FSTL4: variants seen among roughly 807,000 people sequenced by gnomAD.
The protein encoded by FSTL4 is follistatin like 4.
Under a neutral mutation model 78.2 loss-of-function variants are expected in FSTL4, and 28 were observed. The ratio of observed to expected loss-of-function variants is 0.36; its 90% CI spans 0.27 to 0.49. FSTL4 has a LOEUF of 0.49. FSTL4 is among the 20% of genes least tolerant of loss of function. The pLI is 0.98. For missense variants in FSTL4, 922 were observed against 1,084.9 expected (o/e 0.85, Z 2.11); for synonymous variants, 422 against 440.5 (o/e 0.96, Z 0.53).
chr5:133,605,670 G>A (rs1192985401), intron 1 of FSTL4, among the ~76,000 whole-genome samples: 28 of 152,184 alleles, frequency 1.8e-4, no homozygotes, highest in Admixed American at 1.8e-3. Context: ...TGGGCCTATG[G>A]CACTGGCCTA....
At chr5:133,469,621 G>C (rs769420292) in intron 3 of FSTL4, among the ~76,000 whole-genome samples, 9 of 152,094 alleles carry the variant, frequency 5.9e-5, no homozygotes, top group Admixed American at 5.2e-4. Context: ...AAAAGGAGAG[G>C]GTTCAAAATG....
chr5:133,543,013 T>C (rs1759508703), intron 3 of FSTL4, among the ~76,000 whole-genome samples: 1 of 152,114 alleles, frequency 6.6e-6, no homozygotes, highest in African/African-American at 2.4e-5. Context: ...CTGCTACTCT[T>C]TTCCTAACAT....
At chr5:133,825,099 G>A in the FSTL4 span, among the ~76,000 whole-genome samples, 1 of 152,302 alleles carries the variant, frequency 6.6e-6, no homozygotes, top group Admixed American at 6.5e-5. Context: ...CAGAGACACT[G>A]AGGTCACTCA....
the FSTL4 span, among the ~76,000 whole-genome samples, chr5:133,702,318 A>G: frequency 6.6e-6 from 1 of 152,190 alleles, no homozygotes; most frequent in Non-Finnish European, 1.5e-5. Context: ...CAGCATCTTA[A>G]GCTTAAGCTC....
chr5:133,337,025 C>A (rs1051960653), intron 4 of FSTL4, among the ~76,000 whole-genome samples: 1 of 152,328 alleles, frequency 6.6e-6, no homozygotes, highest in East Asian at 1.9e-4. Context: ...GCAACACACC[C>A]CTGTCTCGGG....
At chr5:133,453,403 C>A (rs1757420149) in intron 3 of FSTL4, among the ~76,000 whole-genome samples, 1 of 152,190 alleles carries the variant, frequency 6.6e-6, no homozygotes. Context: ...ATGCTCCCAC[C>A]CCCAGGCAAT....
chr5:133,400,956 G>A lies in FSTL4; in HGVS notation c.191C>T (p.Ser64Phe). 1 of 1,613,260 alleles carries A rather than the reference G, an allele frequency of 6.2e-7. No individual in the cohort carries two copies. The highest frequency in any genetic ancestry group is 8.5e-7 in the Non-Finnish European group (1 of 1,180,034). Residue 64 changes from serine (S) to phenylalanine (F), a missense_variant, in exon 4 of 16, where the codon TCC becomes TTC. By Grantham distance (155) the Ser-to-Phe change is radical. Transcript: ENST00000265342. ...TCGGCTGCAGAACTTCTTCCCGCAG[G>A]AGGCCAGCAGCTCGTTGTGGCTGGA... ...GLSSHNELLA[S>F]CGKKFCSRGS...
chr5:133,306,411 C>T (rs567330523), intron 6 of FSTL4, among the ~76,000 whole-genome samples: 99 of 152,352 alleles, frequency 6.5e-4, no homozygotes, highest in Non-Finnish European at 1.3e-3. Flanking sequence ...GGCCAGTTAG[C>T]GGCCCTCTGG....
At chr5:133,215,894 C>T (rs1225023725) in intron 13 of FSTL4, among the ~76,000 whole-genome samples, 14 of 152,138 alleles carry the variant, frequency 9.2e-5, no homozygotes, top group Admixed American at 6.5e-5. Context: ...TTTTCTTTGC[C>T]TCCCTCTTAT....
the FSTL4 span, among the ~76,000 whole-genome samples, chr5:133,779,902 T>A: frequency 7.2e-5 from 11 of 152,062 alleles, no homozygotes; most frequent in Non-Finnish European, 1.5e-4. Context: ...AGTGTTCCCA[T>A]GAAAAGCCAG....
At chr5:133,824,428 T>C in the FSTL4 span, among the ~76,000 whole-genome samples, 1 of 152,216 alleles carries the variant, frequency 6.6e-6, no homozygotes, top group African/African-American at 2.4e-5. Context: ...TGAGGCTATT[T>C]AGGGGCCACC....
At chr5:133,525,171 T>C (rs1759065437) in intron 3 of FSTL4, among the ~76,000 whole-genome samples, 1 of 152,222 alleles carries the variant, frequency 6.6e-6, no homozygotes, top group South Asian at 2.1e-4. Context: ...TGGTTAGAAA[T>C]GCAAATGACC....
intron 3 of FSTL4, among the ~76,000 whole-genome samples, chr5:133,518,635 A>G (rs1310345157): frequency 6.6e-6 from 1 of 152,120 alleles, no homozygotes; most frequent in African/African-American, 2.4e-5. Flanking sequence ...TTACTACTAG[A>G]CTCTATGTTA....
the FSTL4 span, among the ~76,000 whole-genome samples, chr5:133,788,666 C>A: frequency 6.6e-6 from 1 of 152,250 alleles, no homozygotes; most frequent in Non-Finnish European, 1.5e-5. Flanking sequence ...CTCTGGGCAC[C>A]CAGACCATGC....
At chr5:133,244,734 T>C (rs1751983270) in intron 7 of FSTL4, 1 of 152,314 alleles carries the variant, frequency 6.6e-6, no homozygotes, top group Non-Finnish European at 1.5e-5. Context: ...CAAGCTGGGC[T>C]GGGTAAGGCT....
chr5:133,285,020 G>A (rs750294719), intron 6 of FSTL4, among the ~76,000 whole-genome samples: 1 of 152,210 alleles, frequency 6.6e-6, no homozygotes, highest in Non-Finnish European at 1.5e-5. Flanking sequence ...TCTGGAGTAA[G>A]TGGGCACAAG....
At chr5:133,793,537 A>C in the FSTL4 span, among the ~76,000 whole-genome samples, 1 of 152,238 alleles carries the variant, frequency 6.6e-6, no homozygotes, top group Non-Finnish European at 1.5e-5. Flanking sequence ...TCACAGCTGG[A>C]ACATGGCAGC....
intron 7 of FSTL4, among the ~76,000 whole-genome samples, chr5:133,237,219 G>A (rs1001267519): frequency 2.0e-5 from 3 of 152,126 alleles, no homozygotes; most frequent in African/African-American, 7.2e-5. Flanking sequence ...GCAGCCCTCG[G>A]GAGAACTCGA....
At chr5:133,395,267 C>G (rs903732690) in intron 4 of FSTL4, among the ~76,000 whole-genome samples, 2 of 152,184 alleles carry the variant, frequency 1.3e-5, no homozygotes, top group African/African-American at 4.8e-5. Context: ...TGCCTTAGGT[C>G]TGCAGCTTCA....
Sources: gnomAD v4.1 joint callset for allele counts (sites outside exome capture counted in the v4.1 genomes callset) on GRCh38, gnomAD v4.1.1 for gene constraint, MANE v1.5 for transcripts, NCBI Gene and HGNC (gene_info 2026-07-23, HGNC 2026-07-21) for gene names.